The following OXR1 variants were observed in gnomAD, a reference collection of about 807,000 sequenced individuals.
The protein encoded by OXR1 is oxidation resistance protein 1.
Under a neutral mutation model 104.6 loss-of-function variants are expected in OXR1, and 41 were observed. That is an observed-to-expected ratio of 0.39 (90% confidence interval 0.31 to 0.51). The LOEUF (loss-of-function observed/expected upper bound fraction) is 0.51. Ranked by LOEUF, OXR1 falls within the 20% of genes least tolerant of loss-of-function variation. The pLI is 0.77. For missense variants in OXR1, 955 were observed against 1,031.9 expected (o/e 0.93, Z 1.02); for synonymous variants, 348 against 348.4 (o/e 1.00, Z 0.01).
intron 3 of OXR1, among the ~76,000 whole-genome samples, chr8:106,538,333 A>G (rs1814701445): frequency 1.3e-5 from 2 of 152,228 alleles, no homozygotes; most frequent in African/African-American, 4.8e-5. Flanking sequence ...ACAAGTAAAA[A>G]TGAAATTATC....
At chr8:106,657,726 C>A in intron 3 of OXR1, 2 of 625,902 alleles carry the variant, frequency 3.2e-6, no homozygotes, top group Non-Finnish European at 4.4e-6. Context: ...TAAGTTCTGC[C>A]TCATTTTGCA....
chr8:106,580,556 C>T (rs1044640918), intron 3 of OXR1, among the ~76,000 whole-genome samples: 1 of 152,084 alleles, frequency 6.6e-6, no homozygotes, highest in Non-Finnish European at 1.5e-5. Context: ...CTTATAGAAA[C>T]CTTGCTTTCA....
At chr8:106,549,706 C>CT (rs1227166569) in intron 3 of OXR1, among the ~76,000 whole-genome samples, 1 of 152,180 alleles carries the variant, frequency 6.6e-6, no homozygotes, top group African/African-American at 2.4e-5. Context: ...AGATGACTGT[C>CT]TTTTCACAAT....
chr8:106,492,093 A>T (rs937901025), intron 2 of OXR1, among the ~76,000 whole-genome samples: 2 of 152,210 alleles, frequency 1.3e-5, no homozygotes, highest in Non-Finnish European at 2.9e-5. Flanking sequence ...CAACTGAAAG[A>T]TAACTTTTGC....
chr8:106,324,903 G>T (rs1814400867), intron 1 of OXR1, among the ~76,000 whole-genome samples: 1 of 152,170 alleles, frequency 6.6e-6, no homozygotes. Flanking sequence ...TGTGTATTGT[G>T]TTGAAATAAA....
intron 1 of OXR1, among the ~76,000 whole-genome samples, chr8:106,325,835 G>C (rs1367685790): frequency 1.3e-5 from 2 of 152,144 alleles, no homozygotes; most frequent in Non-Finnish European, 2.9e-5. Flanking sequence ...TAAAAGAAGA[G>C]TGCCTTTTAA....
At chr8:106,730,198 A>G (rs944120660) in intron 11 of OXR1, among the ~76,000 whole-genome samples, 1 of 152,150 alleles carries the variant, frequency 6.6e-6, no homozygotes, top group Non-Finnish European at 1.5e-5. Context: ...AAATGACATT[A>G]GTGTGATATA....
chr8:106,595,550 C>CA (rs67790797), intron 3 of OXR1, among the ~76,000 whole-genome samples: 11,370 of 60,012 alleles, frequency 0.19, 782 homozygotes, highest in Non-Finnish European at 0.22. Flanking sequence ...AACTCCGTCT[C>CA]AAAAAAAAAA....
chr8:106,594,972 C>T (rs978876517), intron 3 of OXR1, among the ~76,000 whole-genome samples: 1 of 152,204 alleles, frequency 6.6e-6, no homozygotes. Flanking sequence ...GATGCCTGCC[C>T]ATTGCTGCTA....
chr8:106,345,329 G>C (rs1364234150), intron 1 of OXR1, among the ~76,000 whole-genome samples: 1 of 152,192 alleles, frequency 6.6e-6, no homozygotes, highest in African/African-American at 2.4e-5. Context: ...AGCTAGGAGG[G>C]ATGTGTTGGG....
At chr8:106,647,895 C>T (rs540853091) in intron 3 of OXR1, among the ~76,000 whole-genome samples, 1 of 152,234 alleles carries the variant, frequency 6.6e-6, no homozygotes, top group East Asian at 1.9e-4. Flanking sequence ...TTGTTATTTT[C>T]TGAGTTTATT....
At chr8:106,707,185 G>A (rs1356324640) in intron 9 of OXR1, 40 bp downstream of exon 9, 6 of 1,579,672 alleles carry the variant, frequency 3.8e-6, no homozygotes, top group South Asian at 1.1e-5. Flanking sequence ...TCATCCAATT[G>A]TATGGTGTCT....
chr8:106,414,012 G>A (rs765554042), intron 2 of OXR1, among the ~76,000 whole-genome samples: 9 of 152,102 alleles, frequency 5.9e-5, no homozygotes, highest in Non-Finnish European at 1.2e-4. Flanking sequence ...ACAGACGTGA[G>A]CCACTGCACG....
At chr8:106,469,230 C>G (rs1821354423) in intron 2 of OXR1, among the ~76,000 whole-genome samples, 1 of 151,782 alleles carries the variant, frequency 6.6e-6, no homozygotes, top group South Asian at 2.1e-4. Flanking sequence ...TATAGACTTT[C>G]TCTGCTTTGG....
chr8:106,383,667 C>A (rs1436320878), intron 2 of OXR1, among the ~76,000 whole-genome samples: 1 of 152,194 alleles, frequency 6.6e-6, no homozygotes, highest in Admixed American at 6.5e-5. Context: ...TCCAGCTTCA[C>A]ATAGCTCACA....
At chr8:106,463,472 T>C (rs1821016067) in intron 2 of OXR1, among the ~76,000 whole-genome samples, 1 of 152,138 alleles carries the variant, frequency 6.6e-6, no homozygotes, top group South Asian at 2.1e-4. Context: ...ATAACACAAA[T>C]ATACTTCATG....
intron 3 of OXR1, among the ~76,000 whole-genome samples, chr8:106,622,483 ACACC>A (rs1563649592): frequency 1.5e-4 from 20 of 134,428 alleles, no homozygotes; most frequent in African/African-American, 3.0e-4. Flanking sequence ...ACACACACAC[ACACC>A]CCTTACTTCA....
At chr8:106,279,980 C>A (rs780660596) in intron 1 of OXR1, among the ~76,000 whole-genome samples, 4 of 152,018 alleles carry the variant, frequency 2.6e-5, no homozygotes, top group Non-Finnish European at 5.9e-5. Context: ...CAAGACTCAG[C>A]ATTTAGAAAG....
intron 3 of OXR1, among the ~76,000 whole-genome samples, chr8:106,594,700 C>T (rs1819379481): frequency 6.6e-6 from 1 of 152,120 alleles, no homozygotes; most frequent in Non-Finnish European, 1.5e-5. Flanking sequence ...ATCTGGAGCA[C>T]AGGGATACTG....
Sources: allele counts gnomAD v4.1 joint callset (sites outside exome capture counted in the v4.1 genomes callset), GRCh38; gene constraint gnomAD v4.1.1; transcripts MANE v1.5; gene names NCBI Gene and HGNC (gene_info 2026-07-23, HGNC 2026-07-21).